The following TOMM70 variants were observed in gnomAD, a reference collection of about 807,000 sequenced individuals.
The protein encoded by TOMM70 is translocase of outer mitochondrial membrane 70, also known as mitochondrial import receptor subunit TOM70.
TOMM70 carries 13 observed loss-of-function variants against 73.6 expected under a neutral mutation model. The observed-to-expected ratio is 0.18, with a 90% CI of 0.11 to 0.28. TOMM70 has a LOEUF of 0.28. Among genes scored for constraint, TOMM70 ranks in the 10% least tolerant of loss-of-function variants. TOMM70 has a pLI of 1.00. For synonymous variants in TOMM70, 257 were observed against 271.2 expected, an observed-to-expected ratio of 0.95 and a Z score of 0.51; for missense variants, 609 against 747.5, an observed-to-expected ratio of 0.81 and a Z score of 2.16.
intron 7 of TOMM70, among the ~76,000 whole-genome samples, chr3:100,373,930 C>T (rs1240504666): frequency 6.6e-6 from 1 of 152,148 alleles, no homozygotes; most frequent in African/African-American, 2.4e-5. Context: ...GAAAACTAAA[C>T]ATCCTGTACA....
intron 5 of TOMM70, among the ~76,000 whole-genome samples, chr3:100,380,787 A>G (rs1342870108): frequency 6.6e-6 from 1 of 152,210 alleles, no homozygotes; most frequent in African/African-American, 2.4e-5. Flanking sequence ...ACACTGCAGT[A>G]TAATTATGCA....
intron 9 of TOMM70, 122 bp from the exon 10 acceptor site, chr3:100,369,257 G>C: frequency 1.5e-6 from 1 of 687,476 alleles, no homozygotes; most frequent in Non-Finnish European, 2.5e-6. Flanking sequence ...ACGTTTTGGG[G>C]ATACAGACTG....
chr3:100,388,323 T>C lies in TOMM70; in HGVS notation c.325-1345A>G, dbSNP rs571596553. On this transcript the variant is annotated intron_variant, in intron 1 of 11. Coordinates refer to ENST00000284320, the MANE Select transcript of TOMM70 (RefSeq NM_014820.5). ...TCGTCAGGGTGATTGCTAGAAAACT[T>C]GCATTTGAGACAACCTCAACAATCC... Among the ~76,000 whole-genome samples the C allele has an allele frequency of 3.3e-5, 5 of 152,268 alleles. No homozygotes were observed. In the South Asian group the frequency reaches 1.0e-3, roughly 32 times the overall value.
intron 1 of TOMM70, among the ~76,000 whole-genome samples, chr3:100,395,929 G>A (rs536476801): frequency 6.6e-6 from 1 of 151,846 alleles, no homozygotes; most frequent in Non-Finnish European, 1.5e-5. Flanking sequence ...ATAGTGGTGT[G>A]CTTAGGTAGA....
chr3:100,365,535 A>G lies in TOMM70; in HGVS notation c.*29T>C, dbSNP rs1462820666. 7.4e-6 allele frequency: 12 copies of G among 1,613,780 alleles called. No homozygotes were observed. The highest frequency in any genetic ancestry group is 1.7e-4 in the Middle Eastern group (1 of 6,060). On this transcript the variant is annotated 3_prime_UTR_variant, in exon 12 of 12. Transcript: ENST00000284320. ...AGTTGAAGAGGGGGTAAACTTTTAA[A>G]AAGAGGGTCAGTCTGCTTTCCCCCT...
At chr3:100,395,088 G>T (rs940447934) in intron 1 of TOMM70, among the ~76,000 whole-genome samples, 14 of 152,252 alleles carry the variant, frequency 9.2e-5, no homozygotes, top group Middle Eastern at 3.4e-3. Flanking sequence ...TAAGATTTAC[G>T]GCCAGGCGCG....
At chr3:100,373,418 G>A (rs1332887656) in intron 8 of TOMM70, 120 bp downstream of exon 8, 1 of 726,136 alleles carries the variant, frequency 1.4e-6, no homozygotes, top group Non-Finnish European at 2.2e-6. Flanking sequence ...TTTTTCCTCA[G>A]TAGTTATCCT....
Position 100,364,874 on chromosome 3 carries a change from T to C in TOMM70, c.*690A>G, listed in dbSNP as rs1478743186. On this transcript the variant is annotated 3_prime_UTR_variant, in exon 12 of 12. Coordinates refer to ENST00000284320, the MANE Select transcript of TOMM70 (RefSeq NM_014820.5). ...TCAATACTCAGTCTTCCAACACATA[T>C]ATCAATTAGAATATTTTGCATCTGC... 2.0e-5 allele frequency: 3 copies of C among 152,192 alleles called. No homozygotes were observed. The highest frequency in any genetic ancestry group is 4.4e-5 in the Non-Finnish European group (3 of 68,034). The allele number at this position is 152,192 out of a possible 1,614,324, so 9.4% of individuals were successfully genotyped here. A position where few individuals can be genotyped will look rare whatever the true frequency, so the allele number is the denominator to read the frequency against.
chr3:100,386,895 G>A lies in TOMM70; in HGVS notation c.408C>T (p.Cys136=). 6.2e-7 allele frequency: 1 copy of A among 1,614,020 alleles called. No individual in the cohort carries two copies. Among genetic ancestry groups the A allele is most frequent in the Non-Finnish European group, 8.5e-7 (1 of 1,179,922 alleles). ...GGCACAAGCTAATAGCCTCAGTATA[G>A]CACTGAATAGCTTGTTCATATTTTC... ...KAGKYEQAIQ[C]YTEAISLCPT... Residue 136 remains cysteine, a synonymous_variant, in exon 2 of 12, where the codon TGC becomes TGT. Coordinates refer to ENST00000284320, the MANE Select transcript of TOMM70 (RefSeq NM_014820.5).
chr3:100,368,194 G>A, intron 10 of TOMM70, 28 bp from the exon 11 acceptor site: 14 of 1,605,826 alleles, frequency 8.7e-6, no homozygotes, highest in Non-Finnish European at 1.2e-5. Context: ...TGTCAGATGT[G>A]ACCATGGCCC....
At chr3:100,394,702 C>T (rs1424340695) in intron 1 of TOMM70, among the ~76,000 whole-genome samples, 1 of 152,050 alleles carries the variant, frequency 6.6e-6, no homozygotes, top group Non-Finnish European at 1.5e-5. Flanking sequence ...GGGGTTTCAC[C>T]ATGTTGGCCA....
intron 1 of TOMM70, among the ~76,000 whole-genome samples, chr3:100,397,266 A>T (rs923575091): frequency 3.3e-5 from 5 of 152,242 alleles, no homozygotes; most frequent in Non-Finnish European, 7.3e-5. Context: ...AATTAATTAC[A>T]TTTAGATAGT....
chr3:100,377,663 C>T (rs1035770146), intron 6 of TOMM70, 42 bp downstream of exon 6: 1 of 1,572,736 alleles, frequency 6.4e-7, no homozygotes, highest in South Asian at 1.1e-5. Flanking sequence ...AAAGGCATCG[C>T]CTTCTATTTA....
chr3:100,383,244 A>G (rs1442476279), intron 4 of TOMM70, among the ~76,000 whole-genome samples: 3 of 152,128 alleles, frequency 2.0e-5, no homozygotes, highest in Non-Finnish European at 2.9e-5. Context: ...GAATGGGGCC[A>G]GGCACAGTGG....
intron 1 of TOMM70, among the ~76,000 whole-genome samples, chr3:100,397,122 G>A (rs930713255): frequency 6.6e-6 from 1 of 152,168 alleles, no homozygotes; most frequent in Non-Finnish European, 1.5e-5. Flanking sequence ...TAGGGCATCA[G>A]GATTCTGCCA....
At chr3:100,383,714 A>G (rs1706661337) in intron 4 of TOMM70, among the ~76,000 whole-genome samples, 1 of 152,212 alleles carries the variant, frequency 6.6e-6, no homozygotes, top group Non-Finnish European at 1.5e-5. Flanking sequence ...TCAATTCAAG[A>G]AAAAAGCAAG....
chr3:100,379,571 T>C (rs1235597279), intron 5 of TOMM70, among the ~76,000 whole-genome samples: 2 of 152,186 alleles, frequency 1.3e-5, no homozygotes, highest in Non-Finnish European at 2.9e-5. Flanking sequence ...GAGGCTGTAG[T>C]GAGCTATGAT....
At chr3:100,379,412 C>T (rs1401825455) in intron 5 of TOMM70, among the ~76,000 whole-genome samples, 2 of 151,958 alleles carry the variant, frequency 1.3e-5, no homozygotes, top group Admixed American at 1.3e-4. Context: ...TCACCTGGGC[C>T]CAGGAGTTCA....
intron 6 of TOMM70, among the ~76,000 whole-genome samples, 193 bp from the exon 7 acceptor site, chr3:100,375,345 T>C (rs992849385): frequency 6.6e-6 from 1 of 152,198 alleles, no homozygotes; most frequent in Non-Finnish European, 1.5e-5. Flanking sequence ...AACATTTTCA[T>C]CACCCTTAAA....
Sources: allele counts gnomAD v4.1 joint callset (sites outside exome capture counted in the v4.1 genomes callset), GRCh38; gene constraint gnomAD v4.1.1; transcripts MANE v1.5; gene names NCBI Gene and HGNC (gene_info 2026-07-23, HGNC 2026-07-21).